The following STARD10 variants were observed in gnomAD, a reference collection of about 807,000 sequenced individuals.
STARD10 encodes the protein START domain-containing protein 10.
In STARD10, 24 loss-of-function variants were observed where a neutral mutation model predicts 36.0. That is an observed-to-expected ratio of 0.67 (90% CI 0.48 to 0.94). The LOEUF (loss-of-function observed/expected upper bound fraction) is 0.94. Among genes scored for constraint, STARD10 ranks in the 40% least tolerant of loss-of-function variants. STARD10 has a pLI of 0.00. For missense variants in STARD10, 335 were observed against 396.6 expected, an observed-to-expected ratio of 0.84 and a Z score of 1.32; for synonymous variants, 156 against 161.9, an observed-to-expected ratio of 0.96 and a Z score of 0.28.
intron 2 of STARD10, among the ~76,000 whole-genome samples, chr11:72,763,887 C>T (rs189883061): frequency 6.6e-6 from 1 of 152,100 alleles, no homozygotes; most frequent in Admixed American, 6.5e-5. Flanking sequence ...GTTATTATTC[C>T]TGCACTGAAA....
intron 2 of STARD10, among the ~76,000 whole-genome samples, chr11:72,766,452 AT>A (rs1858792020): frequency 6.6e-6 from 1 of 152,226 alleles, no homozygotes; most frequent in Non-Finnish European, 1.5e-5. Flanking sequence ...CATGAACTGC[AT>A]GGTAGAGTGC....
intron 1 of STARD10, chr11:72,785,764 G>A (rs1859064274): frequency 6.6e-6 from 1 of 152,586 alleles, no homozygotes; most frequent in African/African-American, 2.4e-5. Context: ...GTCCTGGACA[G>A]TGAGGGGCCT....
chr11:72,786,308 T>C (rs574147793), intron 1 of STARD10, among the ~76,000 whole-genome samples: 168 of 151,900 alleles, frequency 1.1e-3, no homozygotes, highest in Non-Finnish European at 1.9e-3. Context: ...GCTGAGATGT[T>C]GCCACAGCAC....
At chr11:72,773,117 C>T (rs1858885841) in intron 2 of STARD10, among the ~76,000 whole-genome samples, 1 of 152,100 alleles carries the variant, frequency 6.6e-6, no homozygotes, top group South Asian at 2.1e-4. Context: ...AACAACATGA[C>T]CAGTATAAAT....
At chr11:72,760,682 C>T (rs535256219) in intron 2 of STARD10, among the ~76,000 whole-genome samples, 3 of 152,298 alleles carry the variant, frequency 2.0e-5, no homozygotes, top group African/African-American at 7.2e-5. Context: ...TTAAGTAACT[C>T]GCCCAATGTC....
chr11:72,780,272 G>C (rs1047306628), intron 2 of STARD10: 1 of 394,706 alleles, frequency 2.5e-6, no homozygotes, highest in South Asian at 1.7e-5. Context: ...GGGTTGGGAA[G>C]AGCAGGGGAG....
intron 2 of STARD10, among the ~76,000 whole-genome samples, chr11:72,763,408 C>T (rs987614000): frequency 6.6e-6 from 1 of 152,076 alleles, no homozygotes; most frequent in South Asian, 2.1e-4. Flanking sequence ...GCAAATAGCA[C>T]CTTAATCAAG....
At chr11:72,780,190 C>A in intron 2 of STARD10, 2 of 447,616 alleles carry the variant, frequency 4.5e-6, no homozygotes, top group Non-Finnish European at 9.0e-6. Context: ...CCATCTGGTC[C>A]CCTGGGGGAT....
chr11:72,786,216 G>C (rs1380822823), intron 1 of STARD10, among the ~76,000 whole-genome samples: 1 of 152,198 alleles, frequency 6.6e-6, no homozygotes, highest in Non-Finnish European at 1.5e-5. Context: ...GCTGGGCGTG[G>C]TGGTGCACAC....
intron 1 of STARD10, among the ~76,000 whole-genome samples, chr11:72,784,416 T>C (rs2135038202): frequency 6.6e-6 from 1 of 152,214 alleles, no homozygotes; most frequent in Non-Finnish European, 1.5e-5. Context: ...ATAATACCTA[T>C]CCTCTGAGAA....
rs1358806155 is a variant in STARD10, at chr11:72,755,153, G to A, written c.631-11C>T. ...CATCTTCTTCATGGCCTGTGGGCCC[G>A]CCGCCCCGCCGGGTCAGGGGGTGGC... On this transcript the variant is annotated splice_polypyrimidine_tract_variant and intron_variant, in intron 6 of 6. Coordinates refer to ENST00000334805, the MANE Select transcript of STARD10 (RefSeq NM_006645.3). 6.2e-7 allele frequency: 1 copy of A among 1,605,066 alleles called. No individual in the cohort carries two copies. Among genetic ancestry groups the A allele is most frequent in the South Asian group, 1.1e-5 (1 of 90,212 alleles).
Position 72,757,840 on chromosome 11 carries a change from C to A in STARD10, c.504G>T (p.Gln168His), listed in dbSNP as rs368968723. The change falls in exon 5 of 7, where the codon CAG becomes CAT. Residue 168 changes from glutamine (Q) to histidine (H), a missense_variant. Transcript: ENST00000334805. ...CTGTGCTCTGGATGAGGTAGCCCGT[C>A]TGGATGGACACAGCTCGGACCAAGT... ...RKDLVRAVSI[Q>H]TGYLIQSTGP... 5.6e-6 allele frequency: 9 copies of A among 1,614,184 alleles called. No homozygotes were observed. In the African/African-American group the frequency reaches 1.1e-4, roughly 19 times the overall value.
At chr11:72,769,558 G>A (rs551608192) in intron 2 of STARD10, among the ~76,000 whole-genome samples, 2 of 152,138 alleles carry the variant, frequency 1.3e-5, no homozygotes, top group South Asian at 4.2e-4. Context: ...TGCCCAGGCT[G>A]GTCTCAAATT....
chr11:72,759,158 G>T, intron 3 of STARD10, 76 bp downstream of exon 3: 1 of 1,546,372 alleles, frequency 6.5e-7, no homozygotes, highest in Non-Finnish European at 8.8e-7. Context: ...ACAGGAGGGA[G>T]GGGGGAAGAG....
At chr11:72,770,373 G>A (rs12294431) in intron 2 of STARD10, among the ~76,000 whole-genome samples, 11,833 of 152,034 alleles carry the variant, frequency 0.078, 564 homozygotes, top group South Asian at 0.17. Context: ...GTGTGCCATC[G>A]CGCCCGGCTA....
chr11:72,771,026 G>T (rs73543283), intron 2 of STARD10, among the ~76,000 whole-genome samples: 4,683 of 152,322 alleles, frequency 0.031, 238 homozygotes, highest in African/African-American at 0.11. Context: ...GTGCTAAGAG[G>T]TTGGTATAAT....
At chr11:72,756,290 C>T (rs1041887754) in intron 5 of STARD10, among the ~76,000 whole-genome samples, 1 of 152,162 alleles carries the variant, frequency 6.6e-6, no homozygotes, top group Non-Finnish European at 1.5e-5. Flanking sequence ...AATGAGGTGC[C>T]GGGGGAGTGC....
At chr11:72,755,497 G>A (rs978800691) in intron 6 of STARD10, 13 of 641,162 alleles carry the variant, frequency 2.0e-5, no homozygotes, top group African/African-American at 2.0e-4. Context: ...TTTTAGTAGA[G>A]ACAGGGTTTC....
chr11:72,771,798 C>A (rs898492859), intron 2 of STARD10, among the ~76,000 whole-genome samples: 14 of 152,096 alleles, frequency 9.2e-5, no homozygotes, highest in African/African-American at 3.1e-4. Flanking sequence ...CCACTTCTAT[C>A]CTGGGGGGGC....
Sources: gnomAD v4.1 joint callset for allele counts (sites outside exome capture counted in the v4.1 genomes callset) on GRCh38, gnomAD v4.1.1 for gene constraint, MANE v1.5 for transcripts, NCBI Gene and HGNC (gene_info 2026-07-23, HGNC 2026-07-21) for gene names.